The following LARS2 variants were observed in gnomAD, a reference collection of about 807,000 sequenced individuals.
LARS2 encodes the protein leucyl-tRNA synthetase 2, mitochondrial.
LARS2 carries 81 observed loss-of-function variants against 116.6 expected under a neutral mutation model. The observed-to-expected ratio is 0.69, with a 90% CI of 0.58 to 0.84. The LOEUF (loss-of-function observed/expected upper bound fraction) is 0.84, where lower values mean the gene tolerates loss of function less well. Among genes scored for constraint, LARS2 ranks in the 40% least tolerant of loss-of-function variants. LARS2 has a pLI of 0.00. For missense variants in LARS2, 968 were observed against 1,114.5 expected, an observed-to-expected ratio of 0.87 and a Z score of 1.87; for synonymous variants, 396 against 407.2, an observed-to-expected ratio of 0.97 and a Z score of 0.33.
intron 8 of LARS2, among the ~76,000 whole-genome samples, chr3:45,461,999 A>G (rs1052111797): frequency 6.6e-6 from 1 of 152,242 alleles, no homozygotes; most frequent in African/African-American, 2.4e-5. Context: ...CATCTATTTT[A>G]AAACCTGGTA....
intron 20 of LARS2, among the ~76,000 whole-genome samples, chr3:45,533,432 C>G (rs1575318360): frequency 6.6e-6 from 1 of 152,156 alleles, no homozygotes; most frequent in Admixed American, 6.5e-5. Context: ...CAGGCGTGAG[C>G]CACTGCGCCG....
At chr3:45,460,514 A>G (rs1393309571) in intron 8 of LARS2, among the ~76,000 whole-genome samples, 1 of 152,236 alleles carries the variant, frequency 6.6e-6, no homozygotes, top group Non-Finnish European at 1.5e-5. Flanking sequence ...TTAAATTGTC[A>G]GCTGTGAATT....
At chr3:45,521,387 A>G (rs1559496263) in intron 19 of LARS2, among the ~76,000 whole-genome samples, 2 of 152,316 alleles carry the variant, frequency 1.3e-5, no homozygotes, top group East Asian at 3.9e-4. Context: ...AGCTGAGGCG[A>G]GAGGATCGCT....
At chr3:45,477,428 CA>C (rs1341823401) in intron 10 of LARS2, among the ~76,000 whole-genome samples, 1 of 152,214 alleles carries the variant, frequency 6.6e-6, no homozygotes, top group African/African-American at 2.4e-5. Flanking sequence ...GTGCCTGAAG[CA>C]CTTGGTTCAA....
chr3:45,444,668 A>G (rs1445708361), intron 6 of LARS2, among the ~76,000 whole-genome samples: 24 of 149,570 alleles, frequency 1.6e-4, no homozygotes, highest in Admixed American at 6.7e-5. Flanking sequence ...CGTCTCAAAA[A>G]AAAAAAAAAA....
rs1699227315 is a variant in LARS2 at position 45,457,204 on chromosome 3, C to T, written c.607-1539C>T. 2.6e-5 allele frequency among the ~76,000 whole-genome samples: 4 copies of T among 152,228 alleles called. No individual in the cohort carries two copies. In the South Asian group the frequency reaches 8.3e-4, roughly 31 times the overall value. On this transcript the variant is annotated intron_variant, in intron 7 of 21. Transcript: ENST00000645846. Reference sequence around the variant, plus strand: ...CTTCACTAGAGGCACATGACCCCTGCTAGCCCATGGCCAGGAAGCAGCCAG... The same window carrying T: ...CTTCACTAGAGGCACATGACCCCTGTTAGCCCATGGCCAGGAAGCAGCCAG...
chr3:45,543,426 A>G (rs959366027), intron 21 of LARS2, among the ~76,000 whole-genome samples: 2 of 150,922 alleles, frequency 1.3e-5, no homozygotes, highest in South Asian at 2.1e-4. Flanking sequence ...GATTACAGAC[A>G]TGAGCCACCA....
At chr3:45,417,127 TATA>T (rs1243183609) in intron 4 of LARS2, among the ~76,000 whole-genome samples, 4 of 150,388 alleles carry the variant, frequency 2.7e-5, no homozygotes, top group Non-Finnish European at 5.9e-5. Flanking sequence ...TTGGAAAGCC[TATA>T]CATTATGTGT....
At chr3:45,400,450 A>G in intron 4 of LARS2, 77 bp downstream of exon 4, 2 of 1,417,570 alleles carry the variant, frequency 1.4e-6, no homozygotes, top group Non-Finnish European at 1.9e-6. Context: ...TGTTCAAGAC[A>G]AATGAAGAAA....
intron 6 of LARS2, among the ~76,000 whole-genome samples, chr3:45,439,210 C>CTTTTTT (rs575140221): frequency 1.1e-4 from 7 of 62,458 alleles, no homozygotes; most frequent in African/African-American, 2.0e-4. Flanking sequence ...GAAACTCTGG[C>CTTTTTT]TTTTTTTTTT....
At chr3:45,469,623 G>A (rs1342865075) in intron 8 of LARS2, among the ~76,000 whole-genome samples, 1 of 151,864 alleles carries the variant, frequency 6.6e-6, no homozygotes, top group Admixed American at 6.6e-5. Flanking sequence ...GGATTACAGG[G>A]GTGAGTCACT....
At chr3:45,532,291 T>TAGG (rs1700626659) in intron 20 of LARS2, among the ~76,000 whole-genome samples, 1 of 152,236 alleles carries the variant, frequency 6.6e-6, no homozygotes, top group African/African-American at 2.4e-5. Flanking sequence ...TCAGCACTCA[T>TAGG]ATTAGGAATG....
At chr3:45,497,953 A>G (rs1331425015) in intron 14 of LARS2, among the ~76,000 whole-genome samples, 1 of 152,010 alleles carries the variant, frequency 6.6e-6, no homozygotes, top group African/African-American at 2.4e-5. Flanking sequence ...CCTGAGTGAA[A>G]GACACCCTGC....
intron 10 of LARS2, among the ~76,000 whole-genome samples, chr3:45,478,530 C>T (rs1303390083): frequency 1.3e-5 from 2 of 152,114 alleles, no homozygotes; most frequent in African/African-American, 4.8e-5. Context: ...TTTTTTAGTA[C>T]ACGCAAACAG....
intron 6 of LARS2, among the ~76,000 whole-genome samples, chr3:45,444,365 A>T (rs76061258): frequency 2.0e-5 from 3 of 149,244 alleles, no homozygotes; most frequent in Non-Finnish European, 4.5e-5. Flanking sequence ...CTAGGGGAAA[A>T]AAAAAAATGC....
chr3:45,532,140 A>T (rs1007643869), intron 20 of LARS2, among the ~76,000 whole-genome samples: 2 of 152,238 alleles, frequency 1.3e-5, no homozygotes, highest in Non-Finnish European at 2.9e-5. Context: ...GCAGTGTTAA[A>T]GAATGCTGGC....
chr3:45,421,363 A>G (rs546564772), intron 6 of LARS2: 110 of 152,264 alleles, frequency 7.2e-4, no homozygotes, highest in African/African-American at 2.4e-3. Context: ...TAAATGCACT[A>G]TTTTCTTTTA....
intron 1 of LARS2, 100 bp from the exon 2 acceptor site, chr3:45,391,483 C>G (rs967355397): frequency 2.0e-5 from 2 of 97,762 alleles, no homozygotes; most frequent in Non-Finnish European, 4.1e-5. Context: ...CACTCTGACT[C>G]AAAAAAAAAA....
At chr3:45,518,710 C>A (rs1186062600) in intron 18 of LARS2, among the ~76,000 whole-genome samples, 1 of 151,976 alleles carries the variant, frequency 6.6e-6, no homozygotes, top group East Asian at 1.9e-4. Context: ...ATCTGATATC[C>A]CAAATTCTTC....
Sources: gnomAD v4.1 joint callset for allele counts (sites outside exome capture counted in the v4.1 genomes callset) on GRCh38, gnomAD v4.1.1 for gene constraint, MANE v1.5 for transcripts, NCBI Gene and HGNC (gene_info 2026-07-23, HGNC 2026-07-21) for gene names.